PTPRT: variants seen among roughly 807,000 people sequenced by gnomAD.
PTPRT encodes the protein protein tyrosine phosphatase receptor type T.
A neutral mutation model predicts 176.8 loss-of-function variants in PTPRT; 56 were observed. The observed-to-expected ratio is 0.32, with a 90% CI of 0.26 to 0.40. The LOEUF (loss-of-function observed/expected upper bound fraction) is 0.40, where lower values mean the gene tolerates loss of function less well. Ranked by LOEUF, PTPRT falls within the 10% of genes least tolerant of loss-of-function variation. The probability of loss-of-function intolerance (pLI) is 1.00; values close to 1 mark genes in which losing one functional copy is unlikely to be tolerated. For synonymous variants in PTPRT, 783 were observed against 739.0 expected (o/e 1.06, Z -0.96); for missense variants, 1,540 against 1,908.2 (o/e 0.81, Z 3.60).
chr20:42,335,882 G>C (rs909905681), intron 11 of PTPRT, among the ~76,000 whole-genome samples: 1 of 152,106 alleles, frequency 6.6e-6, no homozygotes, highest in Non-Finnish European at 1.5e-5. Context: ...TAACATAGTA[G>C]TACACTCCAG....
At chr20:43,105,329 C>T (rs1465095871) in intron 1 of PTPRT, among the ~76,000 whole-genome samples, 1 of 152,032 alleles carries the variant, frequency 6.6e-6, no homozygotes, top group South Asian at 2.1e-4. Context: ...CTCTCCCCCA[C>T]TTCCCCAGCC....
At chr20:42,274,581 G>GTA (rs1555812659) in intron 13 of PTPRT, among the ~76,000 whole-genome samples, 2,624 of 134,152 alleles carry the variant, frequency 0.02, 76 homozygotes, top group African/African-American at 0.029. Context: ...GTGTGTGTGT[G>GTA]TGTGTGTGTG....
intron 5 of PTPRT, among the ~76,000 whole-genome samples, chr20:42,765,862 A>T (rs2076975992): frequency 6.6e-6 from 1 of 152,160 alleles, no homozygotes; most frequent in Non-Finnish European, 1.5e-5. Flanking sequence ...TCATTTACTT[A>T]ATCAGTCTCT....
At chr20:43,096,391 G>A (rs1490911149) in intron 1 of PTPRT, among the ~76,000 whole-genome samples, 1 of 152,194 alleles carries the variant, frequency 6.6e-6, no homozygotes. Context: ...TGTGAGGAAG[G>A]GCTGGTGATC....
intron 7 of PTPRT, among the ~76,000 whole-genome samples, chr20:42,588,177 C>T (rs1375681846): frequency 1.3e-5 from 2 of 152,150 alleles, no homozygotes; most frequent in Non-Finnish European, 2.9e-5. Context: ...GGCACAGTGG[C>T]TCATGCCTGT....
chr20:42,096,004 C>T (rs1985182585), intron 27 of PTPRT, among the ~76,000 whole-genome samples: 1 of 152,172 alleles, frequency 6.6e-6, no homozygotes, highest in African/African-American at 2.4e-5. Flanking sequence ...CCTAATTGCC[C>T]AGACTCAACT....
intron 6 of PTPRT, among the ~76,000 whole-genome samples, chr20:42,693,312 C>G (rs1385553400): frequency 6.6e-6 from 1 of 152,036 alleles, no homozygotes; most frequent in African/African-American, 2.4e-5. Flanking sequence ...ATAAGCTATC[C>G]TAATAAAATA....
At chr20:42,111,225 G>C (rs1986974846) in intron 22 of PTPRT, among the ~76,000 whole-genome samples, 1 of 152,100 alleles carries the variant, frequency 6.6e-6, no homozygotes, top group African/African-American at 2.4e-5. Context: ...GACAGTTCCT[G>C]TTCCCTACTA....
intron 12 of PTPRT, 86 bp from the exon 13 acceptor site, chr20:42,282,611 G>T: frequency 2.0e-6 from 2 of 1,022,356 alleles, no homozygotes. Context: ...ATATATATTT[G>T]CATATATATT....
At chr20:42,298,361 G>C (rs1330187450) in intron 12 of PTPRT, among the ~76,000 whole-genome samples, 2 of 152,188 alleles carry the variant, frequency 1.3e-5, no homozygotes, top group Non-Finnish European at 2.9e-5. Context: ...TTACAAGGCA[G>C]TGAGGAAACA....
At chr20:43,017,949 C>G (rs1985454151) in intron 1 of PTPRT, among the ~76,000 whole-genome samples, 1 of 152,202 alleles carries the variant, frequency 6.6e-6, no homozygotes, top group Non-Finnish European at 1.5e-5. Flanking sequence ...TCCATGTGGC[C>G]ATCTCAGGAC....
intron 1 of PTPRT, among the ~76,000 whole-genome samples, chr20:42,967,563 A>G (rs1982371617): frequency 6.6e-6 from 1 of 152,178 alleles, no homozygotes; most frequent in Non-Finnish European, 1.5e-5. Context: ...CCTTGATTTC[A>G]GACTGTGGAC....
Position 42,472,514 on chromosome 20 carries a change from C to A in PTPRT, c.1202G>T (p.Arg401Leu). The A allele has an allele frequency of 6.2e-7, 1 of 1,614,164 alleles. No homozygotes were observed. ...GGGCTCCCACTGCAGGGTCAGCTGC[C>A]GGGCTCTGATGTCTACGATTTCCAC... Reference protein sequence around the residue: ...QNVEIVDIRARQLTLQWEPFG... With the variant: ...QNVEIVDIRALQLTLQWEPFG... The change falls in exon 8 of 31, where the codon CGG becomes CTG. Residue 401 changes from arginine to leucine, a missense_variant. Transcript: ENST00000373187.
intron 15 of PTPRT, among the ~76,000 whole-genome samples, chr20:42,233,527 G>A (rs1017118109): frequency 3.9e-5 from 6 of 152,192 alleles, no homozygotes; most frequent in Non-Finnish European, 8.8e-5. Context: ...TACTTGGCAT[G>A]TGGTGGTGGT....
At chr20:43,061,845 G>A (rs552497099) in intron 1 of PTPRT, among the ~76,000 whole-genome samples, 20 of 152,102 alleles carry the variant, frequency 1.3e-4, no homozygotes, top group Non-Finnish European at 2.6e-4. Flanking sequence ...CGTTATAATC[G>A]AATTGCTGTG....
chr20:42,813,238 A>G (rs2077726902), intron 2 of PTPRT, among the ~76,000 whole-genome samples: 1 of 152,026 alleles, frequency 6.6e-6, no homozygotes, highest in Non-Finnish European at 1.5e-5. Context: ...CCCTCGCTTT[A>G]TTGACCTGGT....
At chr20:43,174,983 C>G (rs994139868) in intron 1 of PTPRT, among the ~76,000 whole-genome samples, 4 of 152,232 alleles carry the variant, frequency 2.6e-5, no homozygotes, top group African/African-American at 9.6e-5. Context: ...ATCATCTGGA[C>G]ATTTCACAGA....
Position 42,079,931 on chromosome 20 carries a change from TC to T in PTPRT, c.*947del, listed in dbSNP as rs1983152257. 1 of 232,460 alleles carries T rather than the reference TC, an allele frequency of 4.3e-6. No individual in the cohort carries two copies. The allele number at this position is 232,460 out of a possible 1,614,324, so 14.4% of individuals were successfully genotyped here. A position where few individuals can be genotyped will look rare whatever the true frequency, so the allele number is the denominator to read the frequency against. On this transcript the variant is annotated 3_prime_UTR_variant, in exon 31 of 31. Coordinates refer to ENST00000373187, the MANE Select transcript of PTPRT (RefSeq NM_007050.6). Reference sequence around the variant, plus strand: ...ACATACTCAAACTCCCCCGCCCCCTTCTTTTTGACATAAGAGACTAAGATTT... The same window carrying T: ...ACATACTCAAACTCCCCCGCCCCCTTTTTTTGACATAAGAGACTAAGATTT...
At chr20:43,033,792 G>A (rs1986249682) in intron 1 of PTPRT, among the ~76,000 whole-genome samples, 1 of 152,174 alleles carries the variant, frequency 6.6e-6, no homozygotes, top group Non-Finnish European at 1.5e-5. Flanking sequence ...GGGTATCCCT[G>A]CTCTACAGAA....
Sources: allele counts gnomAD v4.1 joint callset (sites outside exome capture counted in the v4.1 genomes callset), GRCh38; gene constraint gnomAD v4.1.1; transcripts MANE v1.5; gene names NCBI Gene and HGNC (gene_info 2026-07-23, HGNC 2026-07-21).